The following HPN variants were observed in gnomAD, a reference collection of about 807,000 sequenced individuals.
The protein encoded by HPN is serine protease hepsin.
A neutral mutation model predicts 55.9 loss-of-function variants in HPN; 13 were observed. The observed-to-expected ratio is 0.23, with a 90% CI of 0.15 to 0.37. The LOEUF (loss-of-function observed/expected upper bound fraction) is 0.37, where lower values mean the gene tolerates loss of function less well. Ranked by LOEUF, HPN falls within the 10% of genes least tolerant of loss-of-function variation. The pLI is 1.00. For synonymous variants in HPN, 225 were observed against 240.3 expected (o/e 0.94, Z 0.59); for missense variants, 451 against 575.8 (o/e 0.78, Z 2.22).
chr19:35,053,968 G>T (rs557390967), intron 4 of HPN, among the ~76,000 whole-genome samples: 6 of 152,330 alleles, frequency 3.9e-5, no homozygotes, highest in Non-Finnish European at 8.8e-5. Flanking sequence ...AATATATTAG[G>T]CAGGGAGACA....
chr19:35,041,049 C>T (rs552728841), upstream of HPN, among the ~76,000 whole-genome samples: 1 of 152,216 alleles, frequency 6.6e-6, no homozygotes, highest in African/African-American at 2.4e-5. Context: ...CGCCTGGCTG[C>T]TGGCGGGACA....
intron 4 of HPN, among the ~76,000 whole-genome samples, chr19:35,056,153 C>T (rs2151761696): frequency 6.6e-6 from 1 of 152,198 alleles, no homozygotes; most frequent in African/African-American, 2.4e-5. Context: ...GTTCTTGCAC[C>T]ACCTTCCCAG....
Position 35,041,811 on chromosome 19 carries a change from C to A in HPN, c.-116C>A. On this transcript the variant is annotated 5_prime_UTR_variant, in exon 1 of 13. It adds an upstream start codon to the 5' untranslated region. Coordinates refer to ENST00000672452, the MANE Select transcript of HPN (RefSeq NM_001384133.1). ...GGGGCCACCATGCTCCTGCCCAGGCCTGGAGACTGACCCGACCCCGGCACT... is the reference window on the plus strand; with the variant it reads ...GGGGCCACCATGCTCCTGCCCAGGCATGGAGACTGACCCGACCCCGGCACT... The A allele has an allele frequency of 7.5e-7, 1 of 1,339,856 alleles. No individual in the cohort carries two copies. The highest frequency in any genetic ancestry group is 9.8e-7 in the Non-Finnish European group (1 of 1,016,794). The allele number at this position is 1,339,856 out of a possible 1,614,324, so 83.0% of individuals were successfully genotyped here.
At position 35,055,922 on chromosome 19, in the gene HPN, G is replaced by T. The variant is rs148600861; in HGVS notation, c.161-3751G>T. ...GTCAGGTCAGGGCCCTCCCCTGGCTGCACCTCACACCAGGTGCCAGCAAAG... is the reference window on the plus strand; with the variant it reads ...GTCAGGTCAGGGCCCTCCCCTGGCTTCACCTCACACCAGGTGCCAGCAAAG... On this transcript the variant is annotated intron_variant, in intron 4 of 12. Coordinates refer to ENST00000672452, the MANE Select transcript of HPN (RefSeq NM_001384133.1). 1.3e-4 allele frequency among the ~76,000 whole-genome samples: 20 copies of T among 152,202 alleles called. 1 individual carries two copies. In the East Asian group the frequency reaches 3.7e-3, roughly 28 times the overall value.
rs1415807710 is a variant in HPN, at chr19:35,066,557, AAG to A, written c.*272_*273del. ...ATGACGGGATGCTCTTTAAATAATA[AAG>A]ATGGTTTTGATTAATGTGGCCTCCG... On this transcript the variant is annotated 3_prime_UTR_variant, in exon 13 of 13. Transcript: ENST00000672452. The A allele has an allele frequency of 7.8e-6, 4 of 514,936 alleles. No homozygotes were observed. The highest frequency in any genetic ancestry group is 7.6e-5 in the African/African-American group (4 of 52,348). The allele number at this position is 514,936 out of a possible 1,614,324, so 31.9% of individuals were successfully genotyped here.
chr19:35,042,102 G>A, intron 1 of HPN: 1 of 1,112,672 alleles, frequency 9.0e-7, no homozygotes, highest in South Asian at 1.9e-5. Context: ...CAGCCCTCAG[G>A]CCCCTCCTCC....
chr19:35,048,028 A>AAAAGAAAGAAAGAAAG lies in HPN; in HGVS notation c.17-1222_17-1207dup, dbSNP rs1555722914. On this transcript the variant is annotated intron_variant, in intron 2 of 12. Coordinates refer to ENST00000672452, the MANE Select transcript of HPN (RefSeq NM_001384133.1). ...AGAAAAAGAAAGAGAGAGAGAGAGA[A>AAAAGAAAGAAAGAAAG]AAAGAAAGAAAGAAAGAAAGAAAGA... 1.1e-3 allele frequency among the ~76,000 whole-genome samples: 94 copies of AAAAGAAAGAAAGAAAG among 87,450 alleles called. 2 individuals are homozygous for AAAAGAAAGAAAGAAAG. Among genetic ancestry groups the AAAAGAAAGAAAGAAAG allele is most frequent in the South Asian group, 4.6e-3 (12 of 2,582 alleles). The allele number at this position is 87,450 out of a possible 152,430, so 57.4% of individuals were successfully genotyped here.
intron 2 of HPN, among the ~76,000 whole-genome samples, chr19:35,048,064 G>GAAAGA (rs2064363099): frequency 3.7e-5 from 2 of 53,490 alleles, no homozygotes; most frequent in African/African-American, 2.1e-4. Flanking sequence ...AAGAAAGAAA[G>GAAAGA]AAAGAAAGAA....
At chr19:35,044,705 C>T (rs1393141730) in intron 2 of HPN, among the ~76,000 whole-genome samples, 1 of 152,102 alleles carries the variant, frequency 6.6e-6, no homozygotes, top group East Asian at 1.9e-4. Flanking sequence ...CATGCTTATA[C>T]CCTAGTGGGG....
chr19:35,060,510 G>A lies in HPN; in HGVS notation c.618G>A (p.Pro206=), dbSNP rs565633053. 2.5e-6 allele frequency: 4 copies of A among 1,612,562 alleles called. No homozygotes were observed. Among genetic ancestry groups the A allele is most frequent in the East Asian group, 2.2e-5 (1 of 44,860 alleles). Residue 206 remains proline (P), a splice_region_variant and synonymous_variant, in exon 8 of 13, where the codon CCG becomes CCA. Transcript: ENST00000672452. ...TGCTGACAGCCGCCCACTGCTTCCC[G>A]GAGTGAGTGCCCCCCAATGGCGCTG... ...DWVLTAAHCF[P]ERNRVLSRWR...
chr19:35,056,606 G>A (rs1485104115), intron 4 of HPN, among the ~76,000 whole-genome samples: 1 of 152,044 alleles, frequency 6.6e-6, no homozygotes, highest in African/African-American at 2.4e-5. Context: ...TAGCCTTCTC[G>A]TATATCCCAG....
chr19:35,042,659 C>T, intron 2 of HPN, 137 bp downstream of exon 2: 1 of 660,128 alleles, frequency 1.5e-6, no homozygotes, highest in Non-Finnish European at 2.6e-6. Flanking sequence ...CCTGTTAGTC[C>T]TCCTCCACCT....
chr19:35,047,890 G>A (rs972042678), intron 2 of HPN, among the ~76,000 whole-genome samples: 2 of 151,454 alleles, frequency 1.3e-5, no homozygotes, highest in East Asian at 3.9e-4. Context: ...CCAGCTACTC[G>A]GGAGGCTCAG....
intron 9 of HPN, among the ~76,000 whole-genome samples, chr19:35,063,364 G>T (rs1453070952): frequency 6.6e-6 from 1 of 152,176 alleles, no homozygotes; most frequent in Non-Finnish European, 1.5e-5. Flanking sequence ...TATTTTTCAT[G>T]ATCTGTGGTA....
At chr19:35,041,688 T>TACCCCCCCCC, upstream of HPN, 1 of 638,110 alleles carries the variant, frequency 1.6e-6, no homozygotes, top group Non-Finnish European at 2.0e-6. Context: ...CCCCGCCCCT[T>TACCCCCCCCC]CACCCGCCCC....
At chr19:35,042,242 C>A in intron 1 of HPN, 1 of 1,329,992 alleles carries the variant, frequency 7.5e-7, no homozygotes, top group Non-Finnish European at 9.6e-7. Flanking sequence ...CATGGGGGTC[C>A]CCATCCCTGC....
chr19:35,041,540 C>T (rs983784732), upstream of HPN: 2 of 743,834 alleles, frequency 2.7e-6, no homozygotes, highest in Admixed American at 1.3e-4. Context: ...TTCCCACATC[C>T]CCGCAGACAG....
chr19:35,049,810 G>A (rs185082231), intron 4 of HPN, among the ~76,000 whole-genome samples: 1 of 150,394 alleles, frequency 6.6e-6, no homozygotes, highest in East Asian at 2.0e-4. Context: ...TTCGATTACA[G>A]ACTATCACAG....
At chr19:35,046,528 A>T (rs2151754101) in intron 2 of HPN, among the ~76,000 whole-genome samples, 1 of 152,298 alleles carries the variant, frequency 6.6e-6, no homozygotes, top group East Asian at 1.9e-4. Context: ...TACAGGCATG[A>T]GCCACCATGC....
Sources: allele counts gnomAD v4.1 joint callset (sites outside exome capture counted in the v4.1 genomes callset), GRCh38; gene constraint gnomAD v4.1.1; transcripts MANE v1.5; gene names NCBI Gene and HGNC (gene_info 2026-07-23, HGNC 2026-07-21).